TNFAIP8: variants seen among roughly 807,000 people sequenced by gnomAD.
TNFAIP8 encodes TNF alpha induced protein 8.
In TNFAIP8, 7 loss-of-function variants were observed where a neutral mutation model predicts 13.3. The ratio of observed to expected loss-of-function variants is 0.52; its 90% CI spans 0.30 to 0.99. TNFAIP8 has a LOEUF of 0.99. Ranked by LOEUF, TNFAIP8 falls within the 50% of genes least tolerant of loss-of-function variation. The pLI, the probability that TNFAIP8 is intolerant of heterozygous loss-of-function variation, is 0.07. For synonymous variants in TNFAIP8, 94 were observed against 87.6 expected, an observed-to-expected ratio of 1.07 and a Z score of -0.41; for missense variants, 258 against 236.9, an observed-to-expected ratio of 1.09 and a Z score of -0.58.
intron 1 of TNFAIP8, among the ~76,000 whole-genome samples, chr5:119,365,058 G>C (rs1369641593): frequency 6.6e-6 from 1 of 151,536 alleles, no homozygotes; most frequent in Non-Finnish European, 1.5e-5. Flanking sequence ...CACCATGTTG[G>C]CCAGGCTGGT....
chr5:119,339,359 A>C (rs1750660383), intron 1 of TNFAIP8, among the ~76,000 whole-genome samples: 1 of 151,214 alleles, frequency 6.6e-6, no homozygotes, highest in Admixed American at 6.6e-5. Context: ...GATTTCTGTG[A>C]TTTATTTAAA....
chr5:119,369,805 G>A lies in TNFAIP8; in HGVS notation c.31+13684G>A, dbSNP rs181841826. Among the ~76,000 whole-genome samples, 566 of 152,330 alleles carry A rather than the reference G, an allele frequency of 3.7e-3. 2 individuals carry two copies. The highest frequency in any genetic ancestry group is 0.013 in the African/African-American group (529 of 41,568). ...TTTCTTGCTGGCTCCCTTCGAGCCA[G>A]TGTGAGTGATATTCCATCTCCTAGT... On this transcript the variant is annotated intron_variant, in intron 1 of 1. Transcript: ENST00000504771.
chr5:119,305,775 G>A (rs991565740), intron 1 of TNFAIP8, among the ~76,000 whole-genome samples: 16 of 152,294 alleles, frequency 1.1e-4, no homozygotes, highest in African/African-American at 3.4e-4. Context: ...GAATGTTTAT[G>A]GAAATTACTT....
chr5:119,307,202 A>G (rs1749593206), intron 1 of TNFAIP8, among the ~76,000 whole-genome samples: 1 of 152,192 alleles, frequency 6.6e-6, no homozygotes, highest in Admixed American at 6.5e-5. Flanking sequence ...CTAAATCCAT[A>G]TTAAGATATG....
At position 119,398,167 on chromosome 5, in the gene TNFAIP8, T is replaced by A. The variant is rs924851758; in HGVS notation, c.*4786T>A. On this transcript the variant is annotated 3_prime_UTR_variant, in exon 2 of 2. Transcript: ENST00000504771. ...GGATAAGGCCCCTTATCTTTCTTCATGGATGGCTGAGGAAATTCTCCGCCT... is the reference window on the plus strand; with the variant it reads ...GGATAAGGCCCCTTATCTTTCTTCAAGGATGGCTGAGGAAATTCTCCGCCT... 7 of 152,246 alleles carry A rather than the reference T, an allele frequency of 4.6e-5. No individual in the cohort carries two copies. The highest frequency in any genetic ancestry group is 2.6e-4 in the Admixed American group (4 of 15,288). The allele number at this position is 152,246 out of a possible 1,614,324, so 9.4% of individuals were successfully genotyped here.
intron 1 of TNFAIP8, among the ~76,000 whole-genome samples, chr5:119,303,341 A>G (rs1749452490): frequency 6.6e-6 from 1 of 152,170 alleles, no homozygotes; most frequent in Non-Finnish European, 1.5e-5. Flanking sequence ...ATGTTTTGCC[A>G]CTGACAACAT....
At chr5:119,347,132 A>G (rs566572012) in intron 1 of TNFAIP8, among the ~76,000 whole-genome samples, 2 of 152,336 alleles carry the variant, frequency 1.3e-5, no homozygotes, top group South Asian at 2.1e-4. Flanking sequence ...GCATTTTGCT[A>G]AGAAACAATA....
At chr5:119,326,246 G>A (rs1201263811) in intron 1 of TNFAIP8, among the ~76,000 whole-genome samples, 3 of 152,322 alleles carry the variant, frequency 2.0e-5, no homozygotes, top group African/African-American at 7.2e-5. Context: ...ACCTCTTGGA[G>A]CCAAACATGG....
At position 119,399,192 on chromosome 5, in the gene TNFAIP8, A is replaced by T. The variant is rs1753140978; in HGVS notation, c.*5811A>T. 6.6e-6 allele frequency: 1 copy of T among 152,214 alleles called. No homozygotes were observed. The highest frequency in any genetic ancestry group is 2.1e-4 in the South Asian group (1 of 4,830). 9.4% of individuals were successfully genotyped at this position (152,214 alleles called of 1,614,324 possible). A position where few individuals can be genotyped will look rare whatever the true frequency, so the allele number is the denominator to read the frequency against. On this transcript the variant is annotated 3_prime_UTR_variant, in exon 2 of 2. Coordinates refer to ENST00000504771, the MANE Select transcript of TNFAIP8 (RefSeq NM_014350.4). ...ATGGTATTTTCAAACGCCACGTGTC[A>T]GGAATTTGGCATGCCTTCCTCTGGG...
rs55965350 is a variant in TNFAIP8, at chr5:119,311,688, C to CAAAAAAAAAAAAAAAAAAA, written c.1+42784_1+42802dup. 1.4e-3 allele frequency among the ~76,000 whole-genome samples: 95 copies of CAAAAAAAAAAAAAAAAAAA among 66,656 alleles called. 13 individuals carry two copies. The highest frequency in any genetic ancestry group is 5.7e-3 in the African/African-American group (88 of 15,422). The allele number at this position is 66,656 out of a possible 152,430, so 43.7% of individuals were successfully genotyped here. On this transcript the variant is annotated intron_variant, in intron 1 of 1. Coordinates refer to the TNFAIP8 transcript ENST00000274456. ...TGGGTGACAGAGTGAGACTCCGTCT[C>CAAAAAAAAAAAAAAAAAAA]AAAAAAAAAAAAAAAAAAAAATCAG... is the stretch of plus-strand genomic sequence containing the variant.
chr5:119,334,704 G>A (rs938159286), intron 1 of TNFAIP8, among the ~76,000 whole-genome samples: 2 of 150,740 alleles, frequency 1.3e-5, no homozygotes, highest in Admixed American at 1.3e-4. Flanking sequence ...AACCTGGGAG[G>A]TGGAGATTTC....
At chr5:119,378,937 G>A (rs1441211533) in intron 1 of TNFAIP8, among the ~76,000 whole-genome samples, 3 of 152,078 alleles carry the variant, frequency 2.0e-5, no homozygotes, top group Admixed American at 6.5e-5. Flanking sequence ...GGTGGTGTGC[G>A]CCTGTAATCC....
chr5:119,287,633 T>TTCTGCTG (rs2150808630), intron 1 of TNFAIP8, among the ~76,000 whole-genome samples: 1 of 152,280 alleles, frequency 6.6e-6, no homozygotes, highest in South Asian at 2.1e-4. Context: ...GCAGCTGCTG[T>TTCTGCTG]TCTGCTGTCT....
chr5:119,301,776 T>C (rs935953675), intron 1 of TNFAIP8, among the ~76,000 whole-genome samples: 5 of 152,154 alleles, frequency 3.3e-5, no homozygotes, highest in Non-Finnish European at 5.9e-5. Context: ...AAGGCACATA[T>C]TTGTAGTGGA....
intron 1 of TNFAIP8, among the ~76,000 whole-genome samples, chr5:119,378,484 T>G (rs1443581552): frequency 6.6e-6 from 1 of 152,138 alleles, no homozygotes; most frequent in Non-Finnish European, 1.5e-5. Flanking sequence ...TTGGATACAG[T>G]TATTGAGGAA....
At chr5:119,280,412 T>A (rs1051039818) in intron 1 of TNFAIP8, among the ~76,000 whole-genome samples, 3 of 148,590 alleles carry the variant, frequency 2.0e-5, no homozygotes, top group Admixed American at 6.7e-5. Context: ...TTTTTTTTTT[T>A]AATTTGTTGC....
chr5:119,356,188 AGAAG>A (rs1410213094), intron 1 of TNFAIP8, 67 bp downstream of exon 1: 15 of 1,435,604 alleles, frequency 1.0e-5, no homozygotes, highest in Non-Finnish European at 5.7e-6. Flanking sequence ...AGGCAGTGGT[AGAAG>A]AGGATGGGAG....
chr5:119,350,722 A>G (rs572041781), intron 1 of TNFAIP8, among the ~76,000 whole-genome samples: 6 of 152,284 alleles, frequency 3.9e-5, no homozygotes, highest in Admixed American at 6.5e-5. Flanking sequence ...CCAGAGCATT[A>G]GTGAATGTGT....
At chr5:119,297,131 G>T (rs374891045) in intron 1 of TNFAIP8, among the ~76,000 whole-genome samples, 3 of 152,018 alleles carry the variant, frequency 2.0e-5, no homozygotes, top group African/African-American at 7.3e-5. Flanking sequence ...TTTTAGTTAT[G>T]TCTTGCCTTC....
Sources: allele counts gnomAD v4.1 joint callset (sites outside exome capture counted in the v4.1 genomes callset), GRCh38; gene constraint gnomAD v4.1.1; transcripts MANE v1.5; gene names NCBI Gene and HGNC (gene_info 2026-07-23, HGNC 2026-07-21).